The following SEPTIN9 variants were observed in gnomAD, a reference collection of about 807,000 sequenced individuals.
SEPTIN9 encodes the protein septin-9.
Under a neutral mutation model 56.6 loss-of-function variants are expected in SEPTIN9, and 13 were observed. The observed-to-expected ratio is 0.23, with a 90% CI of 0.15 to 0.37. SEPTIN9 has a LOEUF of 0.37. Among genes scored for constraint, SEPTIN9 ranks in the 10% least tolerant of loss-of-function variants. The pLI is 1.00. For missense variants in SEPTIN9, 650 were observed against 823.1 expected, an observed-to-expected ratio of 0.79 and a Z score of 2.57; for synonymous variants, 332 against 334.1, an observed-to-expected ratio of 0.99 and a Z score of 0.07.
intron 2 of SEPTIN9, among the ~76,000 whole-genome samples, chr17:77,346,276 GTCTTTTTTTT>G (rs2033889009): frequency 2.0e-5 from 1 of 50,322 alleles, no homozygotes; most frequent in Non-Finnish European, 4.4e-5. Flanking sequence ...AGATCCTTAG[GTCTTTTTTTT>G]TTTTTTTTTT....
At chr17:77,296,815 TG>T (rs1340945080) in intron 1 of SEPTIN9, among the ~76,000 whole-genome samples, 7 of 151,958 alleles carry the variant, frequency 4.6e-5, no homozygotes, top group African/African-American at 1.7e-4. Context: ...ATCACGCCAC[TG>T]CACTCCAGCC....
chr17:77,475,151 G>A lies in SEPTIN9; in HGVS notation c.722-6993G>A, dbSNP rs2898648. 5.8e-3 allele frequency: 5,971 copies of A among 1,029,522 alleles called. 267 individuals are homozygous for A. In the African/African-American group the frequency reaches 0.087, roughly 15 times the overall value. The allele number at this position is 1,029,522 out of a possible 1,614,324, so 63.8% of individuals were successfully genotyped here. ...GCCCTACGCTGCTCTGAAGAAAGCC[G>A]GGCTGGGGTGAGCGTGATGGATGAG... On this transcript the variant is annotated intron_variant, in intron 3 of 11. Coordinates refer to ENST00000427177, the MANE Select transcript of SEPTIN9 (RefSeq NM_001113491.2). The surrounding 1 kb of genome is among the most constrained non-coding windows in gnomAD (Gnocchi z 4.6).
chr17:77,469,554 G>A (rs1465666561), intron 3 of SEPTIN9: 2 of 152,168 alleles, frequency 1.3e-5, no homozygotes, highest in Admixed American at 1.3e-4. Context: ...GCTTCCTGGT[G>A]TCTCTACCCT....
At chr17:77,441,339 T>C (rs913014593) in intron 3 of SEPTIN9, among the ~76,000 whole-genome samples, 3 of 152,242 alleles carry the variant, frequency 2.0e-5, no homozygotes, top group African/African-American at 7.2e-5. Flanking sequence ...CCATCAGGTC[T>C]GACACTGCGG....
At chr17:77,497,556 A>C (rs1296226066) in intron 11 of SEPTIN9, 190 bp downstream of exon 11, 2 of 637,994 alleles carry the variant, frequency 3.1e-6, no homozygotes, top group Non-Finnish European at 5.6e-6. Flanking sequence ...GAAATGAAGC[A>C]GGCAGTGAAG....
intron 2 of SEPTIN9, chr17:77,322,649 C>T (rs1302842797): frequency 6.6e-6 from 1 of 152,292 alleles, no homozygotes; most frequent in Non-Finnish European, 1.5e-5. Context: ...CAGCTCTGGG[C>T]CGCAGTTCCG....
chr17:77,320,414 C>A, intron 2 of SEPTIN9: 2 of 1,411,768 alleles, frequency 1.4e-6, no homozygotes, highest in Non-Finnish European at 2.0e-6. Context: ...TTTATTTATG[C>A]CTGGGGGAAT....
chr17:77,438,824 C>T lies in SEPTIN9; in HGVS notation c.721+36121C>T, dbSNP rs576875826. ...CCATTAGGCAGCAGTGCTTCTATCC[C>T]GGAAGAATTAGGATAAATTCCCCTG... On this transcript the variant is annotated intron_variant, in intron 3 of 11. Coordinates refer to ENST00000427177, the MANE Select transcript of SEPTIN9 (RefSeq NM_001113491.2). Among the ~76,000 whole-genome samples the T allele has an allele frequency of 3.3e-5, 5 of 152,246 alleles. No homozygotes were observed. The South Asian group carries it at 8.3e-4, about 25-fold the overall frequency.
At chr17:77,311,353 A>G (rs961976575) in intron 2 of SEPTIN9, among the ~76,000 whole-genome samples, 38 of 151,606 alleles carry the variant, frequency 2.5e-4, no homozygotes, top group African/African-American at 8.0e-4. Context: ...GTGGTCCATT[A>G]TGGCAGCCAC....
At chr17:77,338,101 G>A (rs2033612430) in intron 2 of SEPTIN9, among the ~76,000 whole-genome samples, 1 of 152,108 alleles carries the variant, frequency 6.6e-6, no homozygotes. Context: ...GGAGGCTGAG[G>A]TGGGAGAATT....
Position 77,498,657 on chromosome 17 carries a change from A to G in SEPTIN9, c.1760A>G (p.Ter587TrpextTer58). 1 of 1,605,918 alleles carries G rather than the reference A, an allele frequency of 6.2e-7. No homozygotes were observed. The highest frequency in any genetic ancestry group is 8.5e-7 in the Non-Finnish European group (1 of 1,176,708). ...AAGGAGCCAGAAGCCCCGGAGATGT[A>G]GACGCCACCCTGCCCACCCCCGGGA... is the stretch of plus-strand genomic sequence containing the variant. The part of the protein sequence containing the change: ...EEKEPEAPEM[*>W] The change falls in exon 12 of 12, where the codon TAG (stop) becomes TGG (tryptophan). Residue 587 changes from the stop codon to tryptophan (W), a stop_lost. Transcript: ENST00000427177.
rs1285822880 is a variant in SEPTIN9 at position 77,445,521 on chromosome 17, C to T, written c.722-36623C>T. On this transcript the variant is annotated intron_variant, in intron 3 of 11. Transcript: ENST00000427177. The surrounding 1 kb of genome is among the most constrained non-coding windows in gnomAD (Gnocchi z 4.7). The stretch of plus-strand genomic sequence containing the variant: ...AACTGGGGGTTGGTGCATGTGTGCA[C>T]GCACGTGTGTGTGTGTGTGCGTGCG... 8 of 425,648 alleles carry T rather than the reference C, an allele frequency of 1.9e-5. No homozygotes were observed. Among genetic ancestry groups the T allele is most frequent in the South Asian group, 1.2e-4 (7 of 57,044 alleles). The allele number at this position is 425,648 out of a possible 1,614,324, so 26.4% of individuals were successfully genotyped here.
intron 3 of SEPTIN9, among the ~76,000 whole-genome samples, chr17:77,459,409 G>A (rs987552940): frequency 1.3e-5 from 2 of 152,218 alleles, no homozygotes; most frequent in African/African-American, 4.8e-5. Context: ...GCTGAGATGC[G>A]GCTGTGGTTA....
At chr17:77,288,071 C>T (rs553468514) in intron 1 of SEPTIN9, 9 of 1,063,240 alleles carry the variant, frequency 8.5e-6, no homozygotes, top group East Asian at 1.0e-4. Context: ...TTAGGGGGCA[C>T]GGAGGGCCAG....
At chr17:77,293,912 C>T (rs143637239) in intron 1 of SEPTIN9, among the ~76,000 whole-genome samples, 2 of 151,520 alleles carry the variant, frequency 1.3e-5, no homozygotes, top group African/African-American at 2.4e-5. Flanking sequence ...AAGACCGGTC[C>T]GGGCAGCGTG....
In SEPTIN9 at chr17:77,321,624, G is replaced by A. The variant is rs181625303; in HGVS notation, c.76+14427G>A. Among the ~76,000 whole-genome samples, 493 of 152,232 alleles carry A rather than the reference G, an allele frequency of 3.2e-3. 4 individuals carry two copies. The highest frequency in any genetic ancestry group is 0.011 in the African/African-American group (470 of 41,530). ...AGGATGGTCTCGATCTCCTGATCTCGTGATCCGCCCGCCTCAGCCTCCCAA... is the reference window on the plus strand; with the variant it reads ...AGGATGGTCTCGATCTCCTGATCTCATGATCCGCCCGCCTCAGCCTCCCAA... On this transcript the variant is annotated intron_variant, in intron 2 of 11. Coordinates refer to ENST00000427177, the MANE Select transcript of SEPTIN9 (RefSeq NM_001113491.2).
chr17:77,465,128 A>G (rs1598416863), intron 3 of SEPTIN9, among the ~76,000 whole-genome samples: 2 of 152,242 alleles, frequency 1.3e-5, no homozygotes. Context: ...TTCACTTGGT[A>G]GAATATTTTC....
chr17:77,383,258 A>G (rs1029914620), intron 2 of SEPTIN9, among the ~76,000 whole-genome samples: 4 of 147,432 alleles, frequency 2.7e-5, no homozygotes, highest in African/African-American at 1.0e-4. Flanking sequence ...CTCCTTACCC[A>G]CAGGCACCTC....
rs934972563 is a variant in SEPTIN9, at chr17:77,433,719, C to G, written c.721+31016C>G. On this transcript the variant is annotated intron_variant, in intron 3 of 11. Transcript: ENST00000427177. This position sits in a 1 kb window ranked among gnomAD's most constrained non-coding sequence, Gnocchi z 6.4. ...AGGAAGGGAGATGGGAATGCCGGGACCTTCTCCTGCACCTCCCGAACCCCC... is the reference window on the plus strand; with the variant it reads ...AGGAAGGGAGATGGGAATGCCGGGAGCTTCTCCTGCACCTCCCGAACCCCC... Among the ~76,000 whole-genome samples, 2 of 152,138 alleles carry G rather than the reference C, an allele frequency of 1.3e-5. No homozygotes were observed. Among genetic ancestry groups the G allele is most frequent in the Non-Finnish European group, 2.9e-5 (2 of 68,022 alleles).
Sources: gnomAD v4.1 joint callset for allele counts (sites outside exome capture counted in the v4.1 genomes callset) on GRCh38, gnomAD v4.1.1 for gene constraint, Gnocchi (gnomAD v3.1) non-coding constraint, MANE v1.5 for transcripts, NCBI Gene and HGNC (gene_info 2026-07-23, HGNC 2026-07-21) for gene names.